BCAS3: variants seen among roughly 807,000 people sequenced by gnomAD.
BCAS3 encodes the protein BCAS4/BCAS3 fusion.
Under a neutral mutation model 116.1 loss-of-function variants are expected in BCAS3, and 53 were observed. The ratio of observed to expected loss-of-function variants is 0.46; its 90% CI spans 0.37 to 0.57. The LOEUF is 0.57. Ranked by LOEUF, BCAS3 falls within the 20% of genes least tolerant of loss-of-function variation. BCAS3 has a pLI of 0.00. For missense variants in BCAS3, 917 were observed against 1,165.4 expected, an observed-to-expected ratio of 0.79 and a Z score of 3.10; for synonymous variants, 391 against 408.2, an observed-to-expected ratio of 0.96 and a Z score of 0.51.
intron 7 of BCAS3, among the ~76,000 whole-genome samples, chr17:60,815,984 T>A (rs922977141): frequency 2.6e-5 from 4 of 152,188 alleles, no homozygotes; most frequent in Non-Finnish European, 5.9e-5. Context: ...TTTTTTAGTA[T>A]CACTTTTTTA....
chr17:60,835,701 A>G (rs1312777327), intron 7 of BCAS3, among the ~76,000 whole-genome samples: 2 of 152,110 alleles, frequency 1.3e-5, no homozygotes, highest in Non-Finnish European at 2.9e-5. Context: ...TTTTACCTAC[A>G]TCATAGGGTT....
chr17:61,368,534 A>T lies in BCAS3; in HGVS notation c.2593+40A>T. 1 of 1,551,560 alleles carries T rather than the reference A, an allele frequency of 6.4e-7. No individual in the cohort carries two copies. Among genetic ancestry groups the T allele is most frequent in the Non-Finnish European group, 8.8e-7 (1 of 1,139,508 alleles). ...AGACTTCTAGCCTGATTTGGTCAGG[A>T]CCAGCACCTGTTGGTGCAGAGCTTC... On this transcript the variant is annotated intron_variant, in intron 23 of 23. Transcript: ENST00000407086. The surrounding 1 kb of genome is among the most constrained non-coding windows in gnomAD (Gnocchi z 6.0).
intron 5 of BCAS3, among the ~76,000 whole-genome samples, chr17:60,743,638 T>A (rs2041790621): frequency 6.6e-6 from 1 of 152,196 alleles, no homozygotes; most frequent in Non-Finnish European, 1.5e-5. Context: ...TTTTATTGTC[T>A]TTTGGTATTT....
At chr17:60,728,933 A>G (rs1306494469) in intron 5 of BCAS3, among the ~76,000 whole-genome samples, 1 of 152,166 alleles carries the variant, frequency 6.6e-6, no homozygotes, top group Admixed American at 6.5e-5. Flanking sequence ...AGTACGTGAA[A>G]CCACCATTGG....
At chr17:61,016,111 C>CA (rs1405178845) in intron 16 of BCAS3, among the ~76,000 whole-genome samples, 11 of 152,126 alleles carry the variant, frequency 7.2e-5, no homozygotes, top group Non-Finnish European at 1.5e-5. Flanking sequence ...TCGAGAAAAA[C>CA]AAAACAGTGA....
intron 22 of BCAS3, among the ~76,000 whole-genome samples, chr17:61,320,505 C>G (rs553973842): frequency 6.6e-6 from 1 of 151,956 alleles, no homozygotes; most frequent in Non-Finnish European, 1.5e-5. Context: ...CACGGTGAAA[C>G]CCCATCTCTA....
rs985347457 is a variant in BCAS3, at chr17:61,224,653, T to C, written c.2425+140089T>C. On this transcript the variant is annotated intron_variant, in intron 22 of 23. Transcript: ENST00000407086. The surrounding 1 kb of genome is among the most constrained non-coding windows in gnomAD (Gnocchi z 5.7). ...TCTTGCATCCACCACTTCTTACTTC[T>C]GCAACCTCGGGCACATTCCTCATCA... Among the ~76,000 whole-genome samples the C allele has an allele frequency of 3.3e-5, 5 of 152,244 alleles. No homozygotes were observed. The highest frequency in any genetic ancestry group is 1.2e-4 in the African/African-American group (5 of 41,474).
chr17:61,294,685 G>A (rs547739865), intron 22 of BCAS3, among the ~76,000 whole-genome samples: 2 of 152,258 alleles, frequency 1.3e-5, no homozygotes, highest in African/African-American at 4.8e-5. Context: ...CATCTCTTCT[G>A]TCCCTGTATT....
At chr17:60,724,225 A>C (rs1380942605) in intron 5 of BCAS3, among the ~76,000 whole-genome samples, 1 of 151,084 alleles carries the variant, frequency 6.6e-6, no homozygotes, top group East Asian at 2.0e-4. Flanking sequence ...GGAGTTCAAG[A>C]CTAGCCTGGC....
chr17:61,269,797 T>C (rs1416498257), intron 22 of BCAS3, among the ~76,000 whole-genome samples: 2 of 151,216 alleles, frequency 1.3e-5, no homozygotes, highest in African/African-American at 2.5e-5. Context: ...CCTTTTTCTT[T>C]CTTTCTTTTT....
At chr17:61,043,014 A>G (rs2067672912) in intron 19 of BCAS3, among the ~76,000 whole-genome samples, 1 of 151,820 alleles carries the variant, frequency 6.6e-6, no homozygotes. Flanking sequence ...CCTTAAATTA[A>G]TGCTGTATTA....
intron 22 of BCAS3, among the ~76,000 whole-genome samples, chr17:61,240,097 T>C (rs2047378287): frequency 6.6e-6 from 1 of 151,076 alleles, no homozygotes; most frequent in Admixed American, 6.6e-5. Context: ...TCTGTAACCA[T>C]GCTGTCTCAA....
chr17:60,880,549 A>T (rs1219477972), intron 9 of BCAS3, among the ~76,000 whole-genome samples: 1 of 152,160 alleles, frequency 6.6e-6, no homozygotes, highest in Non-Finnish European at 1.5e-5. Flanking sequence ...TGGCCTCCGA[A>T]AGTCCTGGGA....
intron 7 of BCAS3, among the ~76,000 whole-genome samples, chr17:60,836,440 A>G (rs917678671): frequency 4.6e-5 from 7 of 152,160 alleles, no homozygotes; most frequent in Non-Finnish European, 8.8e-5. Flanking sequence ...TTTTAGCGAA[A>G]GAACTTGTAA....
intron 22 of BCAS3, among the ~76,000 whole-genome samples, chr17:61,187,102 A>T (rs572505123): frequency 2.5e-4 from 38 of 152,342 alleles, no homozygotes; most frequent in African/African-American, 9.1e-4. Context: ...CAAAATTTCA[A>T]GAGTATTAAA....
At chr17:60,844,030 C>T (rs1253161051) in intron 7 of BCAS3, among the ~76,000 whole-genome samples, 1 of 152,176 alleles carries the variant, frequency 6.6e-6, no homozygotes. Context: ...AATGCAATGG[C>T]GTGATCTCGG....
intron 7 of BCAS3, among the ~76,000 whole-genome samples, chr17:60,859,865 G>A (rs994821466): frequency 6.6e-6 from 1 of 152,044 alleles, no homozygotes; most frequent in Non-Finnish European, 1.5e-5. Context: ...CACCACGCCC[G>A]GCCTATGTAC....
chr17:60,742,580 G>A (rs1323085878), intron 5 of BCAS3, among the ~76,000 whole-genome samples: 1 of 151,438 alleles, frequency 6.6e-6, no homozygotes, highest in Non-Finnish European at 1.5e-5. Context: ...CTACAGGTGT[G>A]TGCCACCATG....
intron 6 of BCAS3, among the ~76,000 whole-genome samples, chr17:60,768,858 G>A (rs2044369848): frequency 6.6e-6 from 1 of 152,214 alleles, no homozygotes; most frequent in Non-Finnish European, 1.5e-5. Context: ...AGCTTGTTTA[G>A]CAGTGGTGGG....
Sources: gnomAD v4.1 joint callset for allele counts (sites outside exome capture counted in the v4.1 genomes callset) on GRCh38, gnomAD v4.1.1 for gene constraint, Gnocchi (gnomAD v3.1) non-coding constraint, MANE v1.5 for transcripts, NCBI Gene and HGNC (gene_info 2026-07-23, HGNC 2026-07-21) for gene names.